The following PTPRU variants were observed in gnomAD, a reference collection of about 807,000 sequenced individuals.
PTPRU encodes receptor-type tyrosine-protein phosphatase U.
A neutral mutation model predicts 166.3 loss-of-function variants in PTPRU; 69 were observed. The ratio of observed to expected loss-of-function variants is 0.41; its 90% CI spans 0.34 to 0.51. The LOEUF (loss-of-function observed/expected upper bound fraction) is 0.51, where lower values mean the gene tolerates loss of function less well. PTPRU is among the 20% of genes least tolerant of loss of function. The pLI is 0.09. For missense variants in PTPRU, 1,657 were observed against 2,013.7 expected (o/e 0.82, Z 3.39); for synonymous variants, 793 against 814.0 (o/e 0.97, Z 0.44).
intron 15 of PTPRU, among the ~76,000 whole-genome samples, chr1:29,296,811 C>T (rs1340843463): frequency 6.6e-6 from 1 of 151,696 alleles, no homozygotes; most frequent in Non-Finnish European, 1.5e-5. Flanking sequence ...TGTGAGCCAC[C>T]GTGTCTGGCC....
Position 29,259,922 on chromosome 1 carries a change from G to C in PTPRU, c.728G>C (p.Arg243Pro). Residue 243 changes from arginine to proline, a missense_variant, in exon 6 of 30, where the codon CGG becomes CCG. Around this residue, in one of 3 missense-constraint regions of PTPRU, gnomAD observed 453 missense variants for 496.9 expected, o/e 0.91. Coordinates refer to ENST00000373779, the MANE Select transcript of PTPRU (RefSeq NM_133178.4). ...PAAGVRHISH[R>P]RFLATFPLAA... The stretch of plus-strand genomic sequence containing the variant: ...GCGGGCGTGCGGCACATCAGCCACC[G>C]GCGCTTCCTGGCCACTTTCCCGCTG... 6.5e-7 allele frequency: 1 copy of C among 1,533,508 alleles called. No homozygotes were observed. Among genetic ancestry groups the C allele is most frequent in the Non-Finnish European group, 8.7e-7 (1 of 1,146,240 alleles). 95.0% of individuals were successfully genotyped at this position (1,533,508 alleles called of 1,614,324 possible).
intron 7 of PTPRU, among the ~76,000 whole-genome samples, chr1:29,272,016 T>G (rs1685576931): frequency 6.6e-6 from 1 of 151,868 alleles, no homozygotes; most frequent in Non-Finnish European, 1.5e-5. Context: ...ACCTCGGCTC[T>G]TGTAGACTCC....
chr1:29,260,060 C>A lies in PTPRU; in HGVS notation c.850+16C>A. Reference sequence around the variant, plus strand: ...ATCGTCAAGGGTCAGCTGGTGGACGCCGGGGAGCGCCGGGACCTCACCCTC... The same window carrying A: ...ATCGTCAAGGGTCAGCTGGTGGACGACGGGGAGCGCCGGGACCTCACCCTC... On this transcript the variant is annotated intron_variant, in intron 6 of 29. Coordinates refer to ENST00000373779, the MANE Select transcript of PTPRU (RefSeq NM_133178.4). The surrounding 1 kb of genome is among the most constrained non-coding windows in gnomAD (Gnocchi z 8.3). 1 of 1,394,616 alleles carries A rather than the reference C, an allele frequency of 7.2e-7. No individual in the cohort carries two copies. The highest frequency in any genetic ancestry group is 1.7e-5 in the South Asian group (1 of 58,976). 86.4% of individuals were successfully genotyped at this position (1,394,616 alleles called of 1,614,324 possible). A position where few individuals can be genotyped will look rare whatever the true frequency, so the allele number is the denominator to read the frequency against.
intron 1 of PTPRU, among the ~76,000 whole-genome samples, chr1:29,247,044 G>C (rs566570971): frequency 6.6e-6 from 1 of 152,342 alleles, no homozygotes; most frequent in Non-Finnish European, 1.5e-5. Context: ...GCACCCTGCA[G>C]TTTCTTCTTC....
intron 2 of PTPRU, 113 bp from the exon 3 acceptor site, chr1:29,258,392 C>T: frequency 8.2e-7 from 1 of 1,217,858 alleles, no homozygotes; most frequent in Non-Finnish European, 1.1e-6. Context: ...CTCAGAATCC[C>T]TGACTCCTGG....
rs1684965459 is a variant in PTPRU, at chr1:29,259,898, C to G, written c.704C>G (p.Ala235Gly). The G allele has an allele frequency of 6.5e-7, 1 of 1,531,752 alleles. No individual in the cohort carries two copies. Among genetic ancestry groups the G allele is most frequent in the African/African-American group, 1.4e-5 (1 of 72,966 alleles). 94.9% of individuals were successfully genotyped at this position (1,531,752 alleles called of 1,614,324 possible). A position where few individuals can be genotyped will look rare whatever the true frequency, so the allele number is the denominator to read the frequency against. Residue 235 changes from alanine to glycine, a missense_variant, in exon 6 of 30, where the codon GCG (alanine) becomes GGG (glycine). By Grantham distance (60) the Ala-to-Gly change is moderately conservative (BLOSUM62 0). This residue lies in a region of PTPRU where 453 missense variants were observed against 496.9 expected (regional missense o/e 0.91). Coordinates refer to ENST00000373779, the MANE Select transcript of PTPRU (RefSeq NM_133178.4). The part of the protein sequence containing the change: ...QRQSGALVPA[A>G]GVRHISHRRF... ...CAGAGCGGGGCGCTGGTGCCGGCGG[C>G]GGGCGTGCGGCACATCAGCCACCGG...
At chr1:29,284,338 G>A (rs547008379) in intron 13 of PTPRU, among the ~76,000 whole-genome samples, 1 of 152,274 alleles carries the variant, frequency 6.6e-6, no homozygotes, top group South Asian at 2.1e-4. Context: ...TTCCAGACAG[G>A]GAATGTGGTT....
intron 18 of PTPRU, chr1:29,307,094 T>A: frequency 6.2e-7 from 1 of 1,611,148 alleles, no homozygotes; most frequent in Non-Finnish European, 8.5e-7. Context: ...TCTGTCTCTT[T>A]TGCTTTGTAC....
chr1:29,247,491 A>C (rs151112673), intron 1 of PTPRU, among the ~76,000 whole-genome samples: 1 of 152,316 alleles, frequency 6.6e-6, no homozygotes, highest in African/African-American at 2.4e-5. Context: ...GCCTCTCTCC[A>C]TGGACCTTTA....
chr1:29,290,395 T>G (rs986550480), intron 14 of PTPRU, among the ~76,000 whole-genome samples: 2 of 152,220 alleles, frequency 1.3e-5, no homozygotes, highest in Admixed American at 6.5e-5. Flanking sequence ...TGTGGGAGGT[T>G]GCAAAATGCA....
rs150267021 is a variant in PTPRU, at chr1:29,279,625, C to G, written c.1733C>G (p.Ala578Gly). 5 of 1,613,152 alleles carry G rather than the reference C, an allele frequency of 3.1e-6. No homozygotes were observed. The African/African-American group carries it at 5.3e-5, about 17-fold the overall frequency. Reference sequence around the variant, plus strand: ...CGCACAGGCAAAGGCTTCGGCCAGGCGGCACTCACTGAGATAACCACTAAC... The same window carrying G: ...CGCACAGGCAAAGGCTTCGGCCAGGGGGCACTCACTGAGATAACCACTAAC... ...RARTGKGFGQ[A>G]ALTEITTNIS... Residue 578 changes from alanine to glycine, a missense_variant, in exon 10 of 30, where the codon GCG (alanine) becomes GGG (glycine). Ala to Gly is a moderately conservative substitution (Grantham distance 60). Coordinates refer to ENST00000373779, the MANE Select transcript of PTPRU (RefSeq NM_133178.4). This position sits in a 1 kb window ranked among gnomAD's most constrained non-coding sequence, Gnocchi z 5.2.
At chr1:29,265,398 T>C (rs1354912047) in intron 7 of PTPRU, among the ~76,000 whole-genome samples, 1 of 152,176 alleles carries the variant, frequency 6.6e-6, no homozygotes, top group African/African-American at 2.4e-5. Flanking sequence ...AATCTCACTC[T>C]GTTGCCCAGG....
chr1:29,312,110 A>G (rs1280961195), intron 21 of PTPRU, among the ~76,000 whole-genome samples: 1 of 152,254 alleles, frequency 6.6e-6, no homozygotes, highest in Admixed American at 6.5e-5. Flanking sequence ...TATGCCAGGC[A>G]GGAGAGGCCA....
Position 29,237,294 on chromosome 1 carries a change from T to G in PTPRU, c.73+577T>G, listed in dbSNP as rs1162926056. Among the ~76,000 whole-genome samples, 1 of 151,854 alleles carries G rather than the reference T, an allele frequency of 6.6e-6. No homozygotes were observed. Among genetic ancestry groups the G allele is most frequent in the East Asian group, 1.9e-4 (1 of 5,148 alleles). On this transcript the variant is annotated intron_variant, in intron 1 of 29. Coordinates refer to ENST00000373779, the MANE Select transcript of PTPRU (RefSeq NM_133178.4). The surrounding 1 kb of genome is among the most constrained non-coding windows in gnomAD (Gnocchi z 6.4). Reference sequence around the variant, plus strand: ...CGTGGGAACGGGTCCGGAACGTGTGTGTCCGTGCGCTGTGTACGTGTGGGG... The same window carrying G: ...CGTGGGAACGGGTCCGGAACGTGTGGGTCCGTGCGCTGTGTACGTGTGGGG...
At chr1:29,275,219 A>T (rs1348294917) in intron 7 of PTPRU, among the ~76,000 whole-genome samples, 1 of 152,176 alleles carries the variant, frequency 6.6e-6, no homozygotes, top group Non-Finnish European at 1.5e-5. Flanking sequence ...GAAGTGATTC[A>T]GCCAGCAGTT....
intron 1 of PTPRU, among the ~76,000 whole-genome samples, chr1:29,243,988 C>T (rs1166341804): frequency 1.3e-5 from 2 of 152,048 alleles, no homozygotes; most frequent in African/African-American, 4.8e-5. Flanking sequence ...AGGTCTTGGG[C>T]AGATTCCCAA....
At position 29,323,733 on chromosome 1, in the gene PTPRU, G is replaced by A. The variant is rs1182821450; in HGVS notation, c.4057G>A (p.Glu1353Lys). Residue 1353 changes from glutamate (E) to lysine (K), a missense_variant, in exon 28 of 30, where the codon GAG becomes AAG. Around this residue, in one of 3 missense-constraint regions of PTPRU, gnomAD observed 1,190 missense variants for 1,477.4 expected, o/e 0.81. Coordinates refer to ENST00000373779, the MANE Select transcript of PTPRU (RefSeq NM_133178.4). The stretch of plus-strand genomic sequence containing the variant: ...GAAGGCCTTCTTGCACCTGCTGGCT[G>A]AGGTGGACAAGTGGCAGGCCGAGAG... ...SKKAFLHLLA[E>K]VDKWQAESGD... The A allele has an allele frequency of 6.2e-7, 1 of 1,614,058 alleles. No homozygotes were observed. Among genetic ancestry groups the A allele is most frequent in the East Asian group, 2.2e-5 (1 of 44,884 alleles).
rs1217565120 is a variant in PTPRU, at chr1:29,304,868, C to G, written c.2743+19C>G. On this transcript the variant is annotated intron_variant, in intron 17 of 29. Coordinates refer to ENST00000373779, the MANE Select transcript of PTPRU (RefSeq NM_133178.4). ...CCTGCCTGTGAGTCCTGGGGAAGGG[C>G]CTGGGGTCCAGGGCAGTGGGTGGGA... The G allele has an allele frequency of 6.2e-7, 1 of 1,601,188 alleles. No individual in the cohort carries two copies. Among genetic ancestry groups the G allele is most frequent in the Non-Finnish European group, 8.5e-7 (1 of 1,169,702 alleles).
In PTPRU at chr1:29,310,731, C is replaced by A; in HGVS notation, c.2821-13C>A. The A allele has an allele frequency of 6.2e-7, 1 of 1,613,322 alleles. No homozygotes were observed. The highest frequency in any genetic ancestry group is 1.1e-5 in the South Asian group (1 of 91,050). On this transcript the variant is annotated splice_polypyrimidine_tract_variant and intron_variant, in intron 18 of 29. Transcript: ENST00000373779. The stretch of plus-strand genomic sequence containing the variant: ...TCCCTGGGGTCTAACCGTGCCCTCT[C>A]CTCCTGTTCCAGGGTTACCACAGGT...
Sources: gnomAD v4.1 joint callset for allele counts (sites outside exome capture counted in the v4.1 genomes callset) on GRCh38, gnomAD v4.1.1 for gene constraint, gnomAD v4.1.1 regional missense constraint, Gnocchi (gnomAD v3.1) non-coding constraint, MANE v1.5 for transcripts, NCBI Gene and HGNC (gene_info 2026-07-23, HGNC 2026-07-21) for gene names.